The following DNAH14 variants were observed in gnomAD, a reference collection of about 807,000 sequenced individuals.
DNAH14 encodes the protein axonemal beta dynein heavy chain 14.
Under a neutral mutation model 520.9 loss-of-function variants are expected in DNAH14, and 478 were observed. The observed-to-expected ratio is 0.92, with a 90% CI of 0.85 to 0.99. DNAH14 has a LOEUF of 0.99. DNAH14 is among the 50% of genes least tolerant of loss of function. DNAH14 has a pLI of 0.00. For missense variants in DNAH14, 4,831 were observed against 5,234.5 expected (o/e 0.92, Z 2.38); for synonymous variants, 1,581 against 1,757.2 (o/e 0.90, Z 2.51).
At chr1:225,336,335 G>T (rs1229151451) in intron 66 of DNAH14, among the ~76,000 whole-genome samples, 2 of 151,840 alleles carry the variant, frequency 1.3e-5, no homozygotes, top group Non-Finnish European at 2.9e-5. Flanking sequence ...AAAGCAAAAA[G>T]ACAAAATAGA....
At chr1:225,267,506 G>A (rs990453165) in intron 49 of DNAH14, among the ~76,000 whole-genome samples, 1 of 151,934 alleles carries the variant, frequency 6.6e-6, no homozygotes, top group Non-Finnish European at 1.5e-5. Flanking sequence ...TGTTAGCCAG[G>A]ATGGTCTCGA....
chr1:225,122,361 G>C (rs1388938200), intron 26 of DNAH14, among the ~76,000 whole-genome samples: 2 of 152,178 alleles, frequency 1.3e-5, no homozygotes, highest in South Asian at 2.1e-4. Flanking sequence ...GAAGGACCTA[G>C]TCTGTGAGTA....
At position 225,374,852 on chromosome 1, in the gene DNAH14, G is replaced by A; in HGVS notation, c.12483G>A (p.Val4161=). The A allele has an allele frequency of 6.4e-7, 1 of 1,550,696 alleles. No individual in the cohort carries two copies. The highest frequency in any genetic ancestry group is 8.7e-7 in the Non-Finnish European group (1 of 1,146,366). ...TLLYKFCNPE[V]LKDDFSFSSD... ...TCTACAAATTTTGTAATCCTGAAGT[G>A]CTGAAAGATGACTTCAGTTTCTCCA... The change falls in exon 78 of 86, where the codon GTG becomes GTA. Residue 4161 remains valine (V), a synonymous_variant. Transcript: ENST00000682510.
At chr1:225,325,025 C>T (rs1161310107) in intron 64 of DNAH14, among the ~76,000 whole-genome samples, 193 bp downstream of exon 64, 1 of 151,612 alleles carries the variant, frequency 6.6e-6, no homozygotes, top group African/African-American at 2.4e-5. Flanking sequence ...GTGCCTACCA[C>T]ATAATAAAAC....
At chr1:225,261,357 A>G (rs1325666730) in intron 46 of DNAH14, among the ~76,000 whole-genome samples, 1 of 152,112 alleles carries the variant, frequency 6.6e-6, no homozygotes, top group East Asian at 1.9e-4. Context: ...AAGGTATTCA[A>G]TTTTGTCAAA....
At chr1:225,088,430 G>A in intron 21 of DNAH14, among the ~76,000 whole-genome samples, 1 of 152,128 alleles carries the variant, frequency 6.6e-6, no homozygotes, top group Non-Finnish European at 1.5e-5. Context: ...CAGAAGAAAA[G>A]ATTGGTGAAC....
At chr1:224,968,599 T>A (rs945091922) in intron 6 of DNAH14, among the ~76,000 whole-genome samples, 160 bp from the exon 7 acceptor site, 1 of 152,020 alleles carries the variant, frequency 6.6e-6, no homozygotes, top group African/African-American at 2.4e-5. Context: ...CAAATTTGGG[T>A]ATAGATAAAG....
At chr1:225,222,400 TTCACAG>T (rs1247847801) in intron 41 of DNAH14, among the ~76,000 whole-genome samples, 1 of 152,184 alleles carries the variant, frequency 6.6e-6, no homozygotes, top group Non-Finnish European at 1.5e-5. Flanking sequence ...GCCGTGGACC[TTCACAG>T]TAAGTGTTAC....
At chr1:225,084,678 T>C (rs2073531392) in intron 20 of DNAH14, among the ~76,000 whole-genome samples, 1 of 151,878 alleles carries the variant, frequency 6.6e-6, no homozygotes, top group Admixed American at 6.6e-5. Context: ...TAAAGTTAGA[T>C]AATTAACTAC....
rs1474367518 is a variant in DNAH14, at chr1:225,335,508, T to C, written c.10081-1758T>C. ...ATATACACGTGTGTACATGTACACA[T>C]ATACATATGTACATATATACATATG... On this transcript the variant is annotated intron_variant, in intron 66 of 85. Coordinates refer to ENST00000682510, the MANE Select transcript of DNAH14 (RefSeq NM_001367479.1). Among the ~76,000 whole-genome samples the C allele has an allele frequency of 2.5e-4, 37 of 145,408 alleles. 1 individual carries two copies. The highest frequency in any genetic ancestry group is 6.1e-4 in the Admixed American group (9 of 14,826).
At chr1:225,242,699 A>G (rs955865808) in intron 43 of DNAH14, among the ~76,000 whole-genome samples, 10 of 152,254 alleles carry the variant, frequency 6.6e-5, no homozygotes, top group Non-Finnish European at 1.3e-4. Flanking sequence ...TATATTGTAA[A>G]TACATAAACC....
At chr1:224,954,461 T>C (rs890169897) in intron 2 of DNAH14, 1 of 152,420 alleles carries the variant, frequency 6.6e-6, no homozygotes, top group African/African-American at 2.4e-5. Flanking sequence ...TCTGTTCTTA[T>C]GAAAAAGTTT....
At chr1:225,257,695 C>G (rs1013247077) in intron 44 of DNAH14, among the ~76,000 whole-genome samples, 1 of 151,838 alleles carries the variant, frequency 6.6e-6, no homozygotes, top group Non-Finnish European at 1.5e-5. Context: ...GCCACCACAC[C>G]CGGCTAATTT....
chr1:225,231,487 T>A (rs1358475730), intron 42 of DNAH14, among the ~76,000 whole-genome samples: 4 of 152,188 alleles, frequency 2.6e-5, no homozygotes, highest in African/African-American at 9.6e-5. Flanking sequence ...GTTTTTAAGC[T>A]TTAATTTTTT....
intron 2 of DNAH14, chr1:224,954,495 G>A (rs1271950302): frequency 6.5e-6 from 1 of 152,744 alleles, no homozygotes; most frequent in Non-Finnish European, 1.5e-5. Flanking sequence ...CAGTTTGCCA[G>A]TGTCCTGTGA....
chr1:225,120,388 T>A (rs544875186), intron 26 of DNAH14, among the ~76,000 whole-genome samples: 2 of 152,198 alleles, frequency 1.3e-5, no homozygotes, highest in African/African-American at 4.8e-5. Flanking sequence ...CCAGGAAAAA[T>A]TTTGGGAGGT....
At chr1:225,373,627 A>C (rs2095647229) in intron 77 of DNAH14, among the ~76,000 whole-genome samples, 1 of 152,202 alleles carries the variant, frequency 6.6e-6, no homozygotes, top group Admixed American at 6.5e-5. Flanking sequence ...TGTCTGTGTA[A>C]GGATACACAA....
intron 40 of DNAH14, 29 bp downstream of exon 40, chr1:225,206,208 A>G: frequency 6.6e-7 from 1 of 1,510,252 alleles, no homozygotes; most frequent in Non-Finnish European, 8.9e-7. Context: ...ATGTTTTAAC[A>G]AAGCAAAAAT....
chr1:225,141,025 G>T lies in DNAH14; in HGVS notation c.4508+4G>T. 1 of 1,532,460 alleles carries T rather than the reference G, an allele frequency of 6.5e-7. No homozygotes were observed. The highest frequency in any genetic ancestry group is 8.8e-7 in the Non-Finnish European group (1 of 1,135,870). The allele number at this position is 1,532,460 out of a possible 1,614,324, so 94.9% of individuals were successfully genotyped here. Reference sequence around the variant, plus strand: ...CAGAGGATTTTGAGTGGACAAGGTAGGTGGATCTAAATTATAACTACATAC... The same window carrying T: ...CAGAGGATTTTGAGTGGACAAGGTATGTGGATCTAAATTATAACTACATAC... On this transcript the variant is annotated splice_donor_region_variant and intron_variant, in intron 28 of 85. Coordinates refer to ENST00000682510, the MANE Select transcript of DNAH14 (RefSeq NM_001367479.1).
Sources: gnomAD v4.1 joint callset for allele counts (sites outside exome capture counted in the v4.1 genomes callset) on GRCh38, gnomAD v4.1.1 for gene constraint, MANE v1.5 for transcripts, NCBI Gene and HGNC (gene_info 2026-07-23, HGNC 2026-07-21) for gene names.